IL3RA: variants seen among roughly 807,000 people sequenced by gnomAD.
IL3RA encodes interleukin 3 receptor subunit alpha.
Under a neutral mutation model 52.3 loss-of-function variants are expected in IL3RA, and 73 were observed. That is an observed-to-expected ratio of 1.40 (90% CI 1.16 to 1.70). The LOEUF (loss-of-function observed/expected upper bound fraction) is 1.70. IL3RA is among the 40% of genes most tolerant of loss of function. The pLI is 0.00. For missense variants in IL3RA, 664 were observed against 504.4 expected (o/e 1.32, Z -3.03); for synonymous variants, 260 against 194.0 (o/e 1.34, Z -2.83).
Position 1,345,392 on chromosome X carries a change from G to T in IL3RA, c.141G>T (p.Val47=). 6.2e-7 allele frequency: 1 copy of T among 1,610,350 alleles called. No homozygotes were observed. Among genetic ancestry groups the T allele is most frequent in the Non-Finnish European group, 8.5e-7 (1 of 1,177,674 alleles). Reference sequence around the variant, plus strand: ...TGACCTGGGACCTTAACAGAAATGTGACCGATATCGAGTGTGTTAAAGACG... The same window carrying T: ...TGACCTGGGACCTTAACAGAAATGTTACCGATATCGAGTGTGTTAAAGACG... ...QQLTWDLNRN[V]TDIECVKDAD... is the part of the protein sequence containing the mutation. The change falls in exon 3 of 12, where the codon GTG becomes GTT. Residue 47 remains valine (V), a synonymous_variant. Transcript: ENST00000331035.
At chrX:1,367,473 AGCGGGGTGCGCGGGGTG>A (rs2149148479) in intron 9 of IL3RA, among the ~76,000 whole-genome samples, 3 of 31,564 alleles carry the variant, frequency 9.5e-5, no homozygotes, top group African/African-American at 4.6e-4. Context: ...GCGCGGGGTG[AGCGGGGTGCGCGGGGTG>A]AGCCGGGTGC....
At chrX:1,360,293 C>CT (rs1224524691) in intron 8 of IL3RA, among the ~76,000 whole-genome samples, 1 of 29,892 alleles carries the variant, frequency 3.3e-5, no homozygotes, top group Non-Finnish European at 6.8e-5. Flanking sequence ...TCTCTATCTC[C>CT]CCCTCTCCCT....
At chrX:1,343,072 C>T (rs1340333831) in intron 2 of IL3RA, among the ~76,000 whole-genome samples, 1 of 151,692 alleles carries the variant, frequency 6.6e-6, no homozygotes, top group South Asian at 2.1e-4. Flanking sequence ...GAGACTCCGT[C>T]TCAAAATGAA....
At chrX:1,381,712 T>G (rs1213655404) in intron 11 of IL3RA, among the ~76,000 whole-genome samples, 2 of 150,054 alleles carry the variant, frequency 1.3e-5, no homozygotes, top group African/African-American at 4.9e-5. Flanking sequence ...GCCCAGCTAA[T>G]TTTGTATTTT....
intron 3 of IL3RA, among the ~76,000 whole-genome samples, chrX:1,347,740 C>G (rs1236713409): frequency 6.6e-5 from 10 of 151,664 alleles, no homozygotes; most frequent in South Asian, 2.1e-4. Context: ...GCTTTTGTAT[C>G]TTTAGAAAAA....
chrX:1,349,435 C>T (rs1292437595), intron 4 of IL3RA, among the ~76,000 whole-genome samples: 4 of 151,940 alleles, frequency 2.6e-5, no homozygotes, highest in Admixed American at 6.6e-5. Flanking sequence ...CCGCCTCGGC[C>T]TCCCAAAGTG....
chrX:1,341,940 CAG>C, intron 2 of IL3RA, 111 bp downstream of exon 2: 1 of 1,098,518 alleles, frequency 9.1e-7, no homozygotes, highest in Admixed American at 1.7e-5. Flanking sequence ...GAGCTCATGG[CAG>C]AGTCTCATGC....
intron 8 of IL3RA, among the ~76,000 whole-genome samples, chrX:1,362,625 A>G (rs1249406151): frequency 6.6e-6 from 1 of 151,610 alleles, no homozygotes; most frequent in Non-Finnish European, 1.5e-5. Context: ...GTCCTCCTGT[A>G]TTAGTCCATT....
At chrX:1,377,639 G>T (rs1445574369) in intron 9 of IL3RA, among the ~76,000 whole-genome samples, 3 of 151,376 alleles carry the variant, frequency 2.0e-5, no homozygotes, top group Non-Finnish European at 2.9e-5. Flanking sequence ...TATCGTCATA[G>T]GTTCTGGGGG....
intron 9 of IL3RA, among the ~76,000 whole-genome samples, chrX:1,367,560 G>A (rs1397649038): frequency 9.9e-6 from 1 of 101,146 alleles, no homozygotes; most frequent in East Asian, 3.3e-4. Flanking sequence ...GGTGCGCGGG[G>A]TGCGCCGGGT....
rs1434772149 is a variant in IL3RA at position 1,352,799 on chromosome X, TCATGGGTCATAGGATCCCTCAC to T, written c.616+304_616+325del. Among the ~76,000 whole-genome samples, 6 of 152,098 alleles carry T rather than the reference TCATGGGTCATAGGATCCCTCAC, an allele frequency of 3.9e-5. No homozygotes were observed. The East Asian group carries it at 9.6e-4, about 24-fold the overall frequency. ...GGCACTAACACCATCATGGGTCCCATCATGGGTCATAGGATCCCTCACCATGGGTCATGGGACCCCCCATCAT... is the reference window on the plus strand; with the variant it reads ...GGCACTAACACCATCATGGGTCCCATCATGGGTCATGGGACCCCCCATCAT... On this transcript the variant is annotated intron_variant, in intron 6 of 11. Transcript: ENST00000331035.
intron 8 of IL3RA, among the ~76,000 whole-genome samples, chrX:1,362,704 G>A (rs183589029): frequency 1.7e-4 from 26 of 152,176 alleles, no homozygotes; most frequent in Admixed American, 6.6e-4. Flanking sequence ...CTGGGCTTGT[G>A]GCCATATCAC....
At chrX:1,344,963 C>T (rs1337107983) in intron 2 of IL3RA, among the ~76,000 whole-genome samples, 3 of 148,958 alleles carry the variant, frequency 2.0e-5, no homozygotes, top group African/African-American at 7.4e-5. Flanking sequence ...GAGATCGAGA[C>T]CATCCTGGCT....
chrX:1,354,255 C>G (rs1228184694), intron 6 of IL3RA, among the ~76,000 whole-genome samples: 1 of 152,136 alleles, frequency 6.6e-6, no homozygotes, highest in Non-Finnish European at 1.5e-5. Context: ...CTAACACCGC[C>G]CAACCAGGGG....
intron 10 of IL3RA, among the ~76,000 whole-genome samples, chrX:1,379,194 C>T (rs1165776178): frequency 6.6e-6 from 1 of 151,478 alleles, no homozygotes; most frequent in Non-Finnish European, 1.5e-5. Flanking sequence ...CTTGCTCTGT[C>T]ACCCAGGCTG....
At chrX:1,352,888 ATGATGGGTTTCATCATGAG>A (rs2086191093) in intron 6 of IL3RA, among the ~76,000 whole-genome samples, 2 of 46,580 alleles carry the variant, frequency 4.3e-5, no homozygotes, top group South Asian at 1.2e-3. Context: ...AGAATCCCCC[ATGATGGGTTTCATCATGAG>A]TCATAGAACC....
At chrX:1,351,617 C>T (rs1257195019) in intron 4 of IL3RA, among the ~76,000 whole-genome samples, 1 of 146,474 alleles carries the variant, frequency 6.8e-6, no homozygotes, top group Non-Finnish European at 1.5e-5. Context: ...GCGTGAGCCA[C>T]CATGCCTGGG....
chrX:1,348,605 TCC>T (rs2148931727), intron 4 of IL3RA, 60 bp downstream of exon 4: 1 of 1,191,574 alleles, frequency 8.4e-7, no homozygotes, highest in African/African-American at 1.5e-5. Flanking sequence ...CCTCTCTCCC[TCC>T]CTCTCGCCTT....
At position 1,345,377 on chromosome X, in the gene IL3RA, C is replaced by G; in HGVS notation, c.126C>G (p.Asp42Glu). The G allele has an allele frequency of 6.2e-7, 1 of 1,611,172 alleles. No homozygotes were observed. The highest frequency in any genetic ancestry group is 2.2e-5 in the East Asian group (1 of 44,830). Residue 42 changes from aspartate (D) to glutamate (E), a missense_variant, in exon 3 of 12, where the codon GAC (aspartate) becomes GAG (glutamate). Coordinates refer to ENST00000331035, the MANE Select transcript of IL3RA (RefSeq NM_002183.4). Reference protein sequence around the residue: ...MKAKAQQLTWDLNRNVTDIEC... With the variant: ...MKAKAQQLTWELNRNVTDIEC... ...CAAAGGCTCAGCAGTTGACCTGGGACCTTAACAGAAATGTGACCGATATCG... is the reference window on the plus strand; with the variant it reads ...CAAAGGCTCAGCAGTTGACCTGGGAGCTTAACAGAAATGTGACCGATATCG...
Sources: gnomAD v4.1 joint callset for allele counts (sites outside exome capture counted in the v4.1 genomes callset) on GRCh38, gnomAD v4.1.1 for gene constraint, MANE v1.5 for transcripts, NCBI Gene and HGNC (gene_info 2026-07-23, HGNC 2026-07-21) for gene names.